The following CNTNAP2 variants were observed in gnomAD, a reference collection of about 807,000 sequenced individuals.
The protein encoded by CNTNAP2 is contactin associated protein 2, also known as contactin-associated protein-like 2.
A neutral mutation model predicts 155.2 loss-of-function variants in CNTNAP2; 98 were observed. That is an observed-to-expected ratio of 0.63 (90% CI 0.54 to 0.75). The LOEUF (loss-of-function observed/expected upper bound fraction) is 0.75, where lower values mean the gene tolerates loss of function less well. Ranked by LOEUF, CNTNAP2 falls within the 30% of genes least tolerant of loss-of-function variation. The probability of loss-of-function intolerance (pLI) is 0.00; values close to 1 mark genes in which losing one functional copy is unlikely to be tolerated. For missense variants in CNTNAP2, 1,727 were observed against 1,688.1 expected (o/e 1.02, Z -0.40); for synonymous variants, 651 against 631.2 (o/e 1.03, Z -0.47).
At chr7:146,277,896 G>A (rs556183422) in intron 1 of CNTNAP2, among the ~76,000 whole-genome samples, 3 of 151,996 alleles carry the variant, frequency 2.0e-5, no homozygotes, top group African/African-American at 7.2e-5. Flanking sequence ...TGACTAATAA[G>A]AGATGAAAGG....
At chr7:147,685,819 G>A (rs1005378675) in intron 13 of CNTNAP2, among the ~76,000 whole-genome samples, 2 of 152,000 alleles carry the variant, frequency 1.3e-5, no homozygotes, top group Non-Finnish European at 2.9e-5. Flanking sequence ...ATTTGAAGGA[G>A]ATGAGAGTAC....
intron 2 of CNTNAP2, among the ~76,000 whole-genome samples, chr7:146,807,632 T>C (rs1200810607): frequency 2.0e-5 from 3 of 152,034 alleles, no homozygotes; most frequent in Non-Finnish European, 4.4e-5. Context: ...TAACCCACGC[T>C]TTGGAACCAG....
intron 1 of CNTNAP2, among the ~76,000 whole-genome samples, chr7:146,669,752 A>C (rs1428519048): frequency 6.6e-6 from 1 of 152,178 alleles, no homozygotes; most frequent in African/African-American, 2.4e-5. Context: ...GATATTTAAA[A>C]GAGGTTAAGG....
chr7:147,721,648 T>TA (rs904322158), intron 13 of CNTNAP2, among the ~76,000 whole-genome samples: 1 of 152,136 alleles, frequency 6.6e-6, no homozygotes, highest in Admixed American at 6.6e-5. Flanking sequence ...TTCTGTCATC[T>TA]AAAAAATAAA....
intron 13 of CNTNAP2, among the ~76,000 whole-genome samples, chr7:147,902,157 T>C (rs1419515291): frequency 6.6e-6 from 1 of 152,200 alleles, no homozygotes; most frequent in Non-Finnish European, 1.5e-5. Flanking sequence ...GTTTACTAAA[T>C]AGACTCCTAA....
intron 1 of CNTNAP2, among the ~76,000 whole-genome samples, chr7:146,718,179 ATGT>A (rs1350933865): frequency 1.3e-5 from 2 of 152,168 alleles, no homozygotes; most frequent in Non-Finnish European, 2.9e-5. Flanking sequence ...GTCAGTGCAC[ATGT>A]TGTTGACTGA....
intron 1 of CNTNAP2, among the ~76,000 whole-genome samples, chr7:146,614,219 C>T (rs997389407): frequency 2.6e-5 from 4 of 152,116 alleles, no homozygotes; most frequent in East Asian, 3.8e-4. Context: ...TAAATGCTCA[C>T]GTGTACAAAA....
chr7:146,408,782 A>G (rs548529867), intron 1 of CNTNAP2, among the ~76,000 whole-genome samples: 4 of 152,302 alleles, frequency 2.6e-5, no homozygotes, highest in African/African-American at 9.6e-5. Flanking sequence ...TAAAAAATAA[A>G]TATTAGGTAA....
intron 1 of CNTNAP2, among the ~76,000 whole-genome samples, chr7:146,291,239 T>G (rs937299031): frequency 6.6e-6 from 1 of 152,228 alleles, no homozygotes; most frequent in African/African-American, 2.4e-5. Flanking sequence ...ATATCTTCTG[T>G]CTTTTAATAC....
Position 146,866,610 on chromosome 7 carries a change from C to T in CNTNAP2, c.402+26706C>T, listed in dbSNP as rs190422225. Among the ~76,000 whole-genome samples, 293 of 152,222 alleles carry T rather than the reference C, an allele frequency of 1.9e-3. 2 individuals are homozygous for T. Among genetic ancestry groups the T allele is most frequent in the African/African-American group, 6.8e-3 (284 of 41,556 alleles). ...CACATATGATTGTACCTGCATAACA[C>T]ATTTGGCTGGCACGGCAAGTGGGAG... On this transcript the variant is annotated intron_variant, in intron 3 of 23. Transcript: ENST00000361727.
chr7:146,346,772 C>T (rs1794824137), intron 1 of CNTNAP2, among the ~76,000 whole-genome samples: 1 of 152,004 alleles, frequency 6.6e-6, no homozygotes, highest in South Asian at 2.1e-4. Context: ...TAACGTGGGA[C>T]AGTTCCATCC....
chr7:147,616,561 A>G (rs143533658), intron 12 of CNTNAP2, among the ~76,000 whole-genome samples: 1 of 152,018 alleles, frequency 6.6e-6, no homozygotes, highest in Admixed American at 6.6e-5. Flanking sequence ...CCATTAGTTC[A>G]TCTTAGATTA....
intron 1 of CNTNAP2, among the ~76,000 whole-genome samples, chr7:146,551,026 G>T (rs1798113819): frequency 6.6e-6 from 1 of 152,048 alleles, no homozygotes; most frequent in Admixed American, 6.6e-5. Flanking sequence ...GTGTGATTTG[G>T]TAACGTAAAT....
At chr7:147,878,008 A>T (rs1419978600) in intron 13 of CNTNAP2, among the ~76,000 whole-genome samples, 1 of 152,212 alleles carries the variant, frequency 6.6e-6, no homozygotes, top group Non-Finnish European at 1.5e-5. Flanking sequence ...GGTTTCCAAC[A>T]CTGAGTTTTC....
At chr7:148,027,544 C>T (rs1009959326) in intron 15 of CNTNAP2, among the ~76,000 whole-genome samples, 4 of 152,106 alleles carry the variant, frequency 2.6e-5, no homozygotes, top group African/African-American at 7.2e-5. Flanking sequence ...CCTCATTTTC[C>T]TACTTGTCAA....
At chr7:147,561,727 G>A (rs1454899117) in intron 11 of CNTNAP2, among the ~76,000 whole-genome samples, 1 of 152,120 alleles carries the variant, frequency 6.6e-6, no homozygotes, top group African/African-American at 2.4e-5. Flanking sequence ...GAGAGAGGCA[G>A]AGAGAGTGAA....
At chr7:147,628,191 A>G (rs1221034056) in intron 12 of CNTNAP2, among the ~76,000 whole-genome samples, 4 of 152,196 alleles carry the variant, frequency 2.6e-5, no homozygotes, top group Admixed American at 1.3e-4. Context: ...TAGGTTATCT[A>G]AAGTTAAGAC....
At chr7:146,910,585 G>C (rs966028350) in intron 3 of CNTNAP2, among the ~76,000 whole-genome samples, 1,558 of 150,814 alleles carry the variant, frequency 0.01, 30 homozygotes, top group African/African-American at 0.037. Context: ...ATGGTGCTGG[G>C]AAAACTGGCT....
intron 9 of CNTNAP2, among the ~76,000 whole-genome samples, chr7:147,366,625 A>G (rs1162236383): frequency 6.6e-6 from 1 of 152,096 alleles, no homozygotes. Context: ...TAAAACAATA[A>G]ATTTCACTTA....
Sources: gnomAD v4.1 joint callset for allele counts (sites outside exome capture counted in the v4.1 genomes callset) on GRCh38, gnomAD v4.1.1 for gene constraint, MANE v1.5 for transcripts, NCBI Gene and HGNC (gene_info 2026-07-23, HGNC 2026-07-21) for gene names.